The following MICU2 variants were observed in gnomAD, a reference collection of about 807,000 sequenced individuals.
MICU2 encodes the protein calcium uptake protein 2, mitochondrial.
In MICU2, 64 loss-of-function variants were observed where a neutral mutation model predicts 60.4. The ratio of observed to expected loss-of-function variants is 1.06; its 90% confidence interval spans 0.87 to 1.31. MICU2 has a LOEUF of 1.31. Among genes scored for constraint, MICU2 ranks in the 50% most tolerant of loss-of-function variants. The probability of loss-of-function intolerance (pLI) is 0.00; values close to 1 mark genes in which losing one functional copy is unlikely to be tolerated. For missense variants in MICU2, 569 were observed against 531.0 expected, an observed-to-expected ratio of 1.07 and a Z score of -0.70; for synonymous variants, 201 against 175.0, an observed-to-expected ratio of 1.15 and a Z score of -1.17.
chr13:21,498,074 G>C (rs1329189383), intron 9 of MICU2, among the ~76,000 whole-genome samples: 1 of 152,010 alleles, frequency 6.6e-6, no homozygotes, highest in Non-Finnish European at 1.5e-5. Context: ...TAATTTGAAA[G>C]TAAATTCTTC....
At chr13:21,527,014 T>C (rs917909236) in intron 4 of MICU2, among the ~76,000 whole-genome samples, 3 of 152,204 alleles carry the variant, frequency 2.0e-5, no homozygotes, top group African/African-American at 7.2e-5. Flanking sequence ...GTTTTAACTA[T>C]AAGTAAATAT....
intron 6 of MICU2, among the ~76,000 whole-genome samples, chr13:21,516,692 T>G (rs146831404): frequency 0.015 from 2,219 of 152,362 alleles, 187 homozygotes; most frequent in Admixed American, 0.13. Flanking sequence ...GTCTTCTTAA[T>G]TTTGGTCATT....
chr13:21,503,192 T>G, intron 8 of MICU2, 95 bp from the exon 9 acceptor site: 1 of 842,284 alleles, frequency 1.2e-6, no homozygotes. Flanking sequence ...TATTACCTAC[T>G]GAGTGGCTGC....
intron 1 of MICU2, among the ~76,000 whole-genome samples, chr13:21,588,294 A>T (rs1876920154): frequency 6.6e-6 from 1 of 152,210 alleles, no homozygotes; most frequent in African/African-American, 2.4e-5. Flanking sequence ...TAAACAAAAC[A>T]ATTGTTATGC....
At chr13:21,590,996 A>G (rs1366523698) in intron 1 of MICU2, among the ~76,000 whole-genome samples, 2 of 152,224 alleles carry the variant, frequency 1.3e-5, no homozygotes, top group African/African-American at 4.8e-5. Flanking sequence ...AAATAACTAA[A>G]TAGCATCATG....
intron 4 of MICU2, among the ~76,000 whole-genome samples, chr13:21,522,935 T>C (rs1886754271): frequency 6.6e-6 from 1 of 152,226 alleles, no homozygotes; most frequent in South Asian, 2.1e-4. Flanking sequence ...AGATTAAACA[T>C]CATTTCTGGG....
intron 7 of MICU2, among the ~76,000 whole-genome samples, chr13:21,513,104 T>G (rs1258567865): frequency 1.3e-5 from 2 of 152,222 alleles, no homozygotes; most frequent in East Asian, 3.8e-4. Context: ...AATCAATTAT[T>G]AGTTCTAGAA....
intron 2 of MICU2, among the ~76,000 whole-genome samples, chr13:21,552,763 G>A (rs893242482): frequency 5.3e-5 from 8 of 152,118 alleles, no homozygotes. Context: ...TATTTCTGAA[G>A]GCTCTGTTCT....
At chr13:21,596,109 G>A (rs915587932) in intron 1 of MICU2, among the ~76,000 whole-genome samples, 9 of 152,132 alleles carry the variant, frequency 5.9e-5, no homozygotes, top group African/African-American at 1.9e-4. Context: ...ACTTGCAATG[G>A]AGGTACTTAC....
At chr13:21,549,579 C>T (rs1416851742) in intron 2 of MICU2, among the ~76,000 whole-genome samples, 4 of 151,968 alleles carry the variant, frequency 2.6e-5, no homozygotes, top group African/African-American at 9.7e-5. Flanking sequence ...ATTTGGCTGT[C>T]TGGGTTGGCT....
At chr13:21,549,165 G>T (rs4769168) in intron 2 of MICU2, among the ~76,000 whole-genome samples, 1 of 151,802 alleles carries the variant, frequency 6.6e-6, no homozygotes, top group Non-Finnish European at 1.5e-5. Flanking sequence ...TCCTGACCTC[G>T]TGATCCGCCC....
At chr13:21,522,473 T>G in intron 5 of MICU2, 130 bp downstream of exon 5, 1 of 655,512 alleles carries the variant, frequency 1.5e-6, no homozygotes. Context: ...ATTATCATTT[T>G]GCAGATATAG....
intron 2 of MICU2, among the ~76,000 whole-genome samples, chr13:21,560,201 C>A (rs1887807654): frequency 6.6e-6 from 1 of 152,146 alleles, no homozygotes; most frequent in African/African-American, 2.4e-5. Context: ...TTTTATCAAT[C>A]TTTTATGTTA....
chr13:21,603,990 G>C lies in MICU2; in HGVS notation c.159C>G (p.His53Gln). 2 of 1,611,900 alleles carry C rather than the reference G, an allele frequency of 1.2e-6. No homozygotes were observed. Among genetic ancestry groups the C allele is most frequent in the Non-Finnish European group, 1.7e-6 (2 of 1,179,588 alleles). The change falls in exon 1 of 12, where the codon CAC becomes CAG. Residue 53 changes from histidine to glutamine, a missense_variant. Coordinates refer to ENST00000382374, the MANE Select transcript of MICU2 (RefSeq NM_152726.3). ...ALAGAGAAWHHSRVSVAARDG... is the reference protein window; with the variant it reads ...ALAGAGAAWHQSRVSVAARDG... ...CCCGCGCCGCAACACTGACGCGGCT[G>C]TGGTGCCAGGCCGCTCCTGCTCCTG...
In MICU2 at chr13:21,549,119, C is replaced by T. The variant is rs76374595; in HGVS notation, c.359-9431G>A. The stretch of plus-strand genomic sequence containing the variant: ...TTTTTTTTTGCATTTTTAGTAGAGA[C>T]GGGGTTTCACCGTGTTAGCCAGGAT... On this transcript the variant is annotated intron_variant, in intron 2 of 11. Coordinates refer to ENST00000382374, the MANE Select transcript of MICU2 (RefSeq NM_152726.3). Among the ~76,000 whole-genome samples the T allele has an allele frequency of 3.6e-3, 551 of 151,618 alleles. 4 individuals are homozygous for T. Among genetic ancestry groups the T allele is most frequent in the East Asian group, 9.9e-3 (51 of 5,138 alleles).
chr13:21,514,894 G>A (rs1886529166), intron 6 of MICU2, among the ~76,000 whole-genome samples: 1 of 151,800 alleles, frequency 6.6e-6, no homozygotes, highest in Admixed American at 6.6e-5. Flanking sequence ...AAGAATCAAA[G>A]GACAAAAGAG....
At chr13:21,587,134 C>T (rs900221406) in intron 1 of MICU2, among the ~76,000 whole-genome samples, 2 of 152,176 alleles carry the variant, frequency 1.3e-5, no homozygotes, top group African/African-American at 2.4e-5. Flanking sequence ...AGGAGAGAAC[C>T]GAGTATTCAA....
chr13:21,573,331 T>A (rs1348319970), intron 1 of MICU2, among the ~76,000 whole-genome samples: 1 of 152,172 alleles, frequency 6.6e-6, no homozygotes, highest in Non-Finnish European at 1.5e-5. Context: ...TGGAGTGCAG[T>A]GGCGCCATCT....
chr13:21,558,551 T>G (rs1887764551), intron 2 of MICU2, among the ~76,000 whole-genome samples: 1 of 151,672 alleles, frequency 6.6e-6, no homozygotes, highest in East Asian at 1.9e-4. Flanking sequence ...ACTTCTCCAT[T>G]TTCTGTTGAT....
Sources: allele counts gnomAD v4.1 joint callset (sites outside exome capture counted in the v4.1 genomes callset), GRCh38; gene constraint gnomAD v4.1.1; transcripts MANE v1.5; gene names NCBI Gene and HGNC (gene_info 2026-07-23, HGNC 2026-07-21).